Variants in PBRM1 observed in about 807,000 individuals in gnomAD.
The protein encoded by PBRM1 is protein polybromo-1.
A neutral mutation model predicts 194.5 loss-of-function variants in PBRM1; 27 were observed. That is an observed-to-expected ratio of 0.14 (90% CI 0.10 to 0.19). The LOEUF is 0.19. Ranked by LOEUF, PBRM1 falls within the 10% of genes least tolerant of loss-of-function variation. PBRM1 has a pLI of 1.00. For missense variants in PBRM1, 1,466 were observed against 2,077.2 expected (o/e 0.71, Z 5.72); for synonymous variants, 655 against 693.2 (o/e 0.94, Z 0.87).
intron 13 of PBRM1, among the ~76,000 whole-genome samples, chr3:52,620,551 G>T (rs536374582): frequency 3.0e-4 from 46 of 152,248 alleles, no homozygotes; most frequent in African/African-American, 1.0e-3. Flanking sequence ...CTCTCAGATG[G>T]GAGTAAATCT....
chr3:52,548,280 G>T, intron 29 of PBRM1, 45 bp from the exon 32 acceptor site: 1 of 1,485,176 alleles, frequency 6.7e-7, no homozygotes, highest in Non-Finnish European at 9.0e-7. Flanking sequence ...ATTTTAAGTT[G>T]GCAAAATTTC....
chr3:52,562,571 G>C (rs1465371913), intron 24 of PBRM1, among the ~76,000 whole-genome samples: 1 of 146,352 alleles, frequency 6.8e-6, no homozygotes, highest in Non-Finnish European at 1.5e-5. Context: ...ATGATACAGG[G>C]TCTTGTTCTG....
chr3:52,600,796 G>A (rs373755051), intron 17 of PBRM1, among the ~76,000 whole-genome samples: 11 of 152,002 alleles, frequency 7.2e-5, no homozygotes, highest in African/African-American at 2.4e-4. Flanking sequence ...GCGCCACCAC[G>A]CCTGGCTAAT....
chr3:52,594,272 CAT>C (rs1262793902), intron 17 of PBRM1, among the ~76,000 whole-genome samples: 2 of 152,124 alleles, frequency 1.3e-5, no homozygotes, highest in African/African-American at 4.8e-5. Flanking sequence ...GTATTGTGTG[CAT>C]ATATTATTTA....
chr3:52,657,070 C>A (rs934703155), intron 5 of PBRM1, among the ~76,000 whole-genome samples: 6 of 152,218 alleles, frequency 3.9e-5, no homozygotes. Context: ...TTGAATGATT[C>A]TTCTTCTATG....
rs533408825 is a variant in PBRM1, at chr3:52,662,349, C to A, written c.385-73G>T. 3.7e-6 allele frequency: 5 copies of A among 1,336,160 alleles called. No individual in the cohort carries two copies. The South Asian group carries it at 5.5e-5, about 15-fold the overall frequency. 82.8% of individuals were successfully genotyped at this position (1,336,160 alleles called of 1,614,324 possible). On this transcript the variant is annotated intron_variant, in intron 3 of 29. Transcript: ENST00000296302. Reference sequence around the variant, plus strand: ...GAAATTAGTTGCTACTTTTAAAGCACCTGTTTCAGCAAAGACCAAAAATTG... The same window carrying A: ...GAAATTAGTTGCTACTTTTAAAGCAACTGTTTCAGCAAAGACCAAAAATTG...
chr3:52,669,329 T>C (rs1420999215), intron 2 of PBRM1, among the ~76,000 whole-genome samples: 1 of 152,148 alleles, frequency 6.6e-6, no homozygotes. Flanking sequence ...ACAAGAAACT[T>C]TGTAGGTAAT....
At chr3:52,614,083 C>T (rs924285009) in intron 15 of PBRM1, among the ~76,000 whole-genome samples, 12 of 152,168 alleles carry the variant, frequency 7.9e-5, no homozygotes, top group African/African-American at 2.6e-4. Context: ...GATAAGAAAG[C>T]TAGTCTGGGC....
chr3:52,635,987 C>T (rs1448806100), intron 10 of PBRM1, among the ~76,000 whole-genome samples: 1 of 152,180 alleles, frequency 6.6e-6, no homozygotes, highest in Non-Finnish European at 1.5e-5. Context: ...CCTCAGCCTC[C>T]TGAGTAGCTG....
rs768701536 is a variant in PBRM1, at chr3:52,554,722, A to C, written c.4609+2T>G. 7 of 1,549,594 alleles carry C rather than the reference A, an allele frequency of 4.5e-6. No individual in the cohort carries two copies. The South Asian group carries it at 8.6e-5, about 19-fold the overall frequency. ...ATGAGTGAATGAGGATGAAGTTCTT[A>C]CCCGGTGGTGGGATGCCCGGGAGGC... On this transcript the variant is annotated splice_donor_variant, in intron 27 of 29. Transcript: ENST00000296302. LOFTEE classifies it high-confidence loss of function.
At chr3:52,663,054 C>T (rs561916824) in intron 3 of PBRM1, among the ~76,000 whole-genome samples, 18 of 151,924 alleles carry the variant, frequency 1.2e-4, no homozygotes, top group African/African-American at 2.4e-4. Context: ...GTAAAAACAA[C>T]GTTGGATGCA....
chr3:52,603,604 T>C, exon 17 of PBRM1: 4 of 1,613,010 alleles, frequency 2.5e-6, no homozygotes, highest in Non-Finnish European at 3.4e-6. Flanking sequence ...CACATCATTA[T>C]GCAAATGTTT....
chr3:52,564,664 A>G (rs2084578949), intron 22 of PBRM1, among the ~76,000 whole-genome samples: 1 of 152,066 alleles, frequency 6.6e-6, no homozygotes, highest in Non-Finnish European at 1.5e-5. Flanking sequence ...AAAAAAAAAA[A>G]AGATATAATA....
chr3:52,642,788 ATT>A (rs879552929), intron 9 of PBRM1, among the ~76,000 whole-genome samples: 9 of 139,842 alleles, frequency 6.4e-5, no homozygotes, highest in Admixed American at 7.2e-5. Context: ...TAGTAATTCA[ATT>A]TTTTTTTTTT....
chr3:52,587,012 T>C, intron 19 of PBRM1, among the ~76,000 whole-genome samples: 1 of 152,138 alleles, frequency 6.6e-6, no homozygotes, highest in South Asian at 2.1e-4. Context: ...CTTGTGTGTG[T>C]GTATCAGACA....
exon 13 of PBRM1, chr3:52,627,296 A>G: frequency 1.2e-6 from 2 of 1,609,936 alleles, no homozygotes; most frequent in Middle Eastern, 1.7e-4. Context: ...CACTACCAGT[A>G]TCAGAGGTGG....
At chr3:52,633,217 C>T (rs1334684307) in intron 11 of PBRM1, among the ~76,000 whole-genome samples, 10 of 151,810 alleles carry the variant, frequency 6.6e-5, no homozygotes, top group East Asian at 1.9e-4. Context: ...TCTGGATCAG[C>T]GTCTATGTCT....
At chr3:52,550,469 G>C (rs2153371145) in exon 29 of PBRM1, 1 of 1,566,510 alleles carries the variant, frequency 6.4e-7, no homozygotes, top group Non-Finnish European at 8.6e-7. Context: ...TCCGCACTGA[G>C]TCCTTCAATG....
At chr3:52,559,635 C>G (rs979582926) in intron 25 of PBRM1, among the ~76,000 whole-genome samples, 3 of 152,012 alleles carry the variant, frequency 2.0e-5, no homozygotes, top group African/African-American at 7.3e-5. Context: ...GAAAATAGCT[C>G]GAGGTCATAT....
Sources: allele counts gnomAD v4.1 joint callset (sites outside exome capture counted in the v4.1 genomes callset), GRCh38; gene constraint gnomAD v4.1.1; transcripts MANE v1.5; gene names NCBI Gene and HGNC (gene_info 2026-07-23, HGNC 2026-07-21).